The following VPS50 variants were observed in gnomAD, a reference collection of about 807,000 sequenced individuals.
The protein encoded by VPS50 is syndetin.
In VPS50, 70 loss-of-function variants were observed where a neutral mutation model predicts 139.7. That is an observed-to-expected ratio of 0.50 (90% CI 0.41 to 0.61). VPS50 has a LOEUF of 0.61. Among genes scored for constraint, VPS50 ranks in the 20% least tolerant of loss-of-function variants. The pLI is 0.00. For synonymous variants in VPS50, 365 were observed against 376.7 expected, an observed-to-expected ratio of 0.97 and a Z score of 0.36; for missense variants, 921 against 1,133.7, an observed-to-expected ratio of 0.81 and a Z score of 2.69.
rs373037937 is a variant in VPS50 at position 93,336,118 on chromosome 7, A to T, written c.2058+1921A>T. On this transcript the variant is annotated intron_variant, in intron 22 of 27. Coordinates refer to ENST00000305866, the MANE Select transcript of VPS50 (RefSeq NM_017667.4). ...CTCAATACATTCTTTGGCTACTAAA[A>T]TAATTTATAGCTTAATCAATCTGAA... Among the ~76,000 whole-genome samples, 10 of 152,328 alleles carry T rather than the reference A, an allele frequency of 6.6e-5. No individual in the cohort carries two copies. In the South Asian group the frequency reaches 2.1e-3, roughly 32 times the overall value.
At chr7:93,257,073 C>A (rs1210144594) in intron 5 of VPS50, among the ~76,000 whole-genome samples, 3 of 152,040 alleles carry the variant, frequency 2.0e-5, no homozygotes, top group African/African-American at 7.2e-5. Context: ...TTGTGAAGTT[C>A]TCTTGGGTAG....
chr7:93,236,184 T>C (rs1022855650), intron 1 of VPS50, among the ~76,000 whole-genome samples: 3 of 152,182 alleles, frequency 2.0e-5, no homozygotes, highest in Non-Finnish European at 4.4e-5. Context: ...TGCTGCAGAT[T>C]GGTCAAGTAA....
chr7:93,325,298 T>C (rs1201136503), intron 21 of VPS50, among the ~76,000 whole-genome samples: 1 of 152,136 alleles, frequency 6.6e-6, no homozygotes, highest in African/African-American at 2.4e-5. Context: ...CAAAAATTAA[T>C]TCAAGATGGA....
intron 12 of VPS50, among the ~76,000 whole-genome samples, chr7:93,287,017 A>T (rs900875668): frequency 5.6e-4 from 84 of 151,078 alleles, no homozygotes; most frequent in Middle Eastern, 3.4e-3. Flanking sequence ...TTTAAAAAAA[A>T]AACTACCCCA....
chr7:93,280,435 G>A (rs1176219415), intron 12 of VPS50, among the ~76,000 whole-genome samples: 3 of 152,060 alleles, frequency 2.0e-5, no homozygotes, highest in Non-Finnish European at 4.4e-5. Flanking sequence ...TTTCTGGAAA[G>A]GGAAAATATA....
At chr7:93,279,294 T>C (rs1470141241) in intron 12 of VPS50, among the ~76,000 whole-genome samples, 2 of 152,188 alleles carry the variant, frequency 1.3e-5, no homozygotes, top group Admixed American at 6.5e-5. Context: ...TGGAAGAAAT[T>C]CTTTCTTTCT....
chr7:93,286,771 T>C (rs945389251), intron 12 of VPS50, among the ~76,000 whole-genome samples: 1 of 152,120 alleles, frequency 6.6e-6, no homozygotes, highest in Non-Finnish European at 1.5e-5. Context: ...GATTTGAAAT[T>C]TGGAGGTCAT....
Position 93,303,569 on chromosome 7 carries a change from CA to C in VPS50, c.1452+22del. ...ACTTCATGTAAGTGTTTCTTAAGAA[CA>C]AAGAAATCTGTCTTTTAGTAATGTA... is the stretch of plus-strand genomic sequence containing the variant. On this transcript the variant is annotated intron_variant, in intron 17 of 27. Transcript: ENST00000305866. 8.5e-7 allele frequency: 1 copy of C among 1,170,256 alleles called. No homozygotes were observed. Among genetic ancestry groups the C allele is most frequent in the Non-Finnish European group, 1.2e-6 (1 of 801,742 alleles). The allele number at this position is 1,170,256 out of a possible 1,614,324, so 72.5% of individuals were successfully genotyped here. A position where few individuals can be genotyped will look rare whatever the true frequency, so the allele number is the denominator to read the frequency against.
At chr7:93,291,371 A>G (rs1185478654) in intron 12 of VPS50, among the ~76,000 whole-genome samples, 1 of 152,024 alleles carries the variant, frequency 6.6e-6, no homozygotes, top group Non-Finnish European at 1.5e-5. Flanking sequence ...CATGTTTAGG[A>G]TCATGTCTTT....
At chr7:93,262,154 G>A (rs547067567) in intron 9 of VPS50, among the ~76,000 whole-genome samples, 1 of 152,288 alleles carries the variant, frequency 6.6e-6, no homozygotes, top group African/African-American at 2.4e-5. Flanking sequence ...ACTTTGAAAA[G>A]GTCACTGTCT....
intron 1 of VPS50, among the ~76,000 whole-genome samples, chr7:93,237,745 A>C (rs1794858323): frequency 6.6e-6 from 1 of 152,156 alleles, no homozygotes; most frequent in African/African-American, 2.4e-5. Flanking sequence ...AATGGGTTTA[A>C]AAATTTTTTT....
chr7:93,331,465 G>T lies in VPS50; in HGVS notation c.1978-2652G>T, dbSNP rs147040687. On this transcript the variant is annotated intron_variant, in intron 21 of 27. Coordinates refer to ENST00000305866, the MANE Select transcript of VPS50 (RefSeq NM_017667.4). ...TACATGGTCAACTGATTTTTGAAAA[G>T]AGCACTAAGGCAGTTCATTAGAGAA... is the stretch of plus-strand genomic sequence containing the variant. Among the ~76,000 whole-genome samples the T allele has an allele frequency of 4.6e-3, 693 of 151,962 alleles. 7 individuals are homozygous for T. Among genetic ancestry groups the T allele is most frequent in the African/African-American group, 0.016 (657 of 41,458 alleles).
intron 12 of VPS50, among the ~76,000 whole-genome samples, chr7:93,285,727 C>T (rs772921167): frequency 6.6e-6 from 1 of 152,134 alleles, no homozygotes; most frequent in Non-Finnish European, 1.5e-5. Context: ...CCAAGTGTTA[C>T]TGTGAACTGA....
chr7:93,341,588 A>G lies in VPS50; in HGVS notation c.2207+13A>G. On this transcript the variant is annotated intron_variant, in intron 23 of 27. Coordinates refer to ENST00000305866, the MANE Select transcript of VPS50 (RefSeq NM_017667.4). ...CCACGGAATCCTTGTAAGTTGTTCA[A>G]AACAGTTGCGTTGCCATTAAATATT... The G allele has an allele frequency of 1.9e-6, 3 of 1,573,262 alleles. No individual in the cohort carries two copies. The highest frequency in any genetic ancestry group is 2.4e-5 in the South Asian group (2 of 84,964).
At chr7:93,271,362 A>G (rs550356552) in intron 10 of VPS50, 100 bp downstream of exon 10, 10 of 1,389,692 alleles carry the variant, frequency 7.2e-6, no homozygotes, top group East Asian at 5.5e-5. Flanking sequence ...GTTATTACCA[A>G]TGTCTCTAGA....
chr7:93,250,498 T>C (rs1322658694), intron 2 of VPS50, among the ~76,000 whole-genome samples: 2 of 152,138 alleles, frequency 1.3e-5, no homozygotes, highest in Non-Finnish European at 2.9e-5. Flanking sequence ...GCTAGCCATA[T>C]GCAGAAAGCT....
At chr7:93,344,546 C>T (rs1798330259) in intron 23 of VPS50, among the ~76,000 whole-genome samples, 1 of 152,160 alleles carries the variant, frequency 6.6e-6, no homozygotes, top group Admixed American at 6.5e-5. Flanking sequence ...CAGCACCACA[C>T]CACACCTATT....
chr7:93,290,417 C>CT (rs36096738), intron 12 of VPS50, among the ~76,000 whole-genome samples: 23,459 of 138,220 alleles, frequency 0.17, 1,946 homozygotes, highest in Middle Eastern at 0.21. Flanking sequence ...TAATGGGCAT[C>CT]TTTTTTTTTT....
At chr7:93,312,337 T>A (rs1330087700) in intron 20 of VPS50, among the ~76,000 whole-genome samples, 2 of 152,152 alleles carry the variant, frequency 1.3e-5, no homozygotes, top group African/African-American at 2.4e-5. Context: ...AGAATCAGAA[T>A]TGGGAGAGTG....
Sources: allele counts gnomAD v4.1 joint callset (sites outside exome capture counted in the v4.1 genomes callset), GRCh38; gene constraint gnomAD v4.1.1; transcripts MANE v1.5; gene names NCBI Gene and HGNC (gene_info 2026-07-23, HGNC 2026-07-21).